Variants in SYNRG observed in about 807,000 individuals in gnomAD.
SYNRG encodes the protein synergin gamma, also known as AP1 gamma subunit binding protein 1.
SYNRG carries 37 observed loss-of-function variants against 130.9 expected under a neutral mutation model. That is an observed-to-expected ratio of 0.28 (90% CI 0.22 to 0.37). The LOEUF (loss-of-function observed/expected upper bound fraction) is 0.37. SYNRG is among the 10% of genes least tolerant of loss of function. The pLI, the probability that SYNRG is intolerant of heterozygous loss-of-function variation, is 1.00. For synonymous variants in SYNRG, 539 were observed against 568.1 expected, an observed-to-expected ratio of 0.95 and a Z score of 0.73; for missense variants, 1,338 against 1,588.9, an observed-to-expected ratio of 0.84 and a Z score of 2.68.
At chr17:37,587,829 T>C (rs2061818869) in intron 3 of SYNRG, among the ~76,000 whole-genome samples, 1 of 152,200 alleles carries the variant, frequency 6.6e-6, no homozygotes, top group Non-Finnish European at 1.5e-5. Context: ...ATACCCATGA[T>C]CTATCTGCAC....
At chr17:37,595,022 A>G (rs2062631322) in intron 3 of SYNRG, among the ~76,000 whole-genome samples, 2 of 152,376 alleles carry the variant, frequency 1.3e-5, no homozygotes, top group Non-Finnish European at 2.9e-5. Flanking sequence ...CCATAAGGAT[A>G]TGTATCACGA....
chr17:37,555,406 C>T (rs759718522), intron 13 of SYNRG, among the ~76,000 whole-genome samples: 4 of 152,136 alleles, frequency 2.6e-5, no homozygotes, highest in Middle Eastern at 3.2e-3. Flanking sequence ...GGATTACAGG[C>T]GTGAGCTACA....
At chr17:37,585,913 A>G (rs1447669454) in intron 4 of SYNRG, among the ~76,000 whole-genome samples, 1 of 152,180 alleles carries the variant, frequency 6.6e-6, no homozygotes, top group Non-Finnish European at 1.5e-5. Context: ...CTTTCACTAG[A>G]TATAAAACAA....
In SYNRG at chr17:37,527,876, A is replaced by G. The variant is rs532759248; in HGVS notation, c.3667-7228T>C. Reference sequence around the variant, plus strand: ...GCTTAAATAAACATCAAGGAGCCACAATTTGGAGTTTAAGACGGTGTACCC... The same window carrying G: ...GCTTAAATAAACATCAAGGAGCCACGATTTGGAGTTTAAGACGGTGTACCC... On this transcript the variant is annotated intron_variant, in intron 19 of 21. Coordinates refer to ENST00000612223, the MANE Select transcript of SYNRG (RefSeq NM_007247.6). Among the ~76,000 whole-genome samples the G allele has an allele frequency of 2.0e-5, 3 of 152,294 alleles. No individual in the cohort carries two copies. The South Asian group carries it at 6.2e-4, about 32-fold the overall frequency.
chr17:37,569,005 A>G lies in SYNRG; in HGVS notation c.1348-81T>C, dbSNP rs1336317382. 2.0e-6 allele frequency: 3 copies of G among 1,481,820 alleles called. No homozygotes were observed. In the Admixed American group the frequency reaches 6.3e-5, roughly 31 times the overall value. 91.8% of individuals were successfully genotyped at this position (1,481,820 alleles called of 1,614,324 possible). ...AACAAATCAAAAGTCAATCTCAAAG[A>G]CTGCCTTTAAAATTTCTCAGTTTAG... On this transcript the variant is annotated intron_variant, in intron 10 of 21. Coordinates refer to ENST00000612223, the MANE Select transcript of SYNRG (RefSeq NM_007247.6).
intron 3 of SYNRG, among the ~76,000 whole-genome samples, chr17:37,588,258 CTTTTTTTTTTTT>C (rs35767898): frequency 9.7e-6 from 1 of 103,206 alleles, no homozygotes; most frequent in African/African-American, 3.9e-5. Flanking sequence ...ACTTTAAATT[CTTTTTTTTTTTT>C]TTTTTTTTTT....
chr17:37,585,551 C>T lies in SYNRG; in HGVS notation c.372-121G>A, dbSNP rs61389064. On this transcript the variant is annotated intron_variant, in intron 4 of 21. Transcript: ENST00000612223. ...ACTTCCAGAAGTGTAAATTTCATTG[C>T]TAAATATCTAGTTTTCTTACGACAA... 10,697 of 647,356 alleles carry T rather than the reference C, an allele frequency of 0.017. 908 individuals carry two copies. In the African/African-American group the frequency reaches 0.18, roughly 11 times the overall value. The allele number at this position is 647,356 out of a possible 1,614,324, so 40.1% of individuals were successfully genotyped here.
chr17:37,575,964 A>T (rs1364803366), intron 8 of SYNRG, among the ~76,000 whole-genome samples: 7 of 151,854 alleles, frequency 4.6e-5, no homozygotes, highest in Non-Finnish European at 1.0e-4. Context: ...GAATATTTTT[A>T]AAAATATAAA....
Position 37,518,555 on chromosome 17 carries a change from A to G in SYNRG, c.*385T>C, listed in dbSNP as rs1306967727. 5.2e-6 allele frequency: 1 copy of G among 193,766 alleles called. No individual in the cohort carries two copies. Among genetic ancestry groups the G allele is most frequent in the Non-Finnish European group, 1.1e-5 (1 of 94,482 alleles). The allele number at this position is 193,766 out of a possible 1,614,324, so 12.0% of individuals were successfully genotyped here. On this transcript the variant is annotated 3_prime_UTR_variant, in exon 22 of 22. Coordinates refer to ENST00000612223, the MANE Select transcript of SYNRG (RefSeq NM_007247.6). ...CTTCACAGGACAGTAAGTGTCCTAG[A>G]TAAAAACAAGCACTGGCTCCAAGCA...
In SYNRG at chr17:37,574,172, G is replaced by C. The variant is rs541810524; in HGVS notation, c.901+2169C>G. Among the ~76,000 whole-genome samples the C allele has an allele frequency of 3.2e-3, 494 of 152,082 alleles. 6 individuals carry two copies. The highest frequency in any genetic ancestry group is 4.4e-3 in the Non-Finnish European group (299 of 67,950). On this transcript the variant is annotated intron_variant, in intron 8 of 21. Transcript: ENST00000612223. ...AACATACATTGGGGAGGGTCTCTTC[G>C]ATAAACGGTGCTGGAAAAACTGGAT...
At chr17:37,539,305 ACT>A (rs1275017033) in intron 16 of SYNRG, 60 bp from the exon 17 acceptor site, 7 of 1,553,488 alleles carry the variant, frequency 4.5e-6, no homozygotes, top group Admixed American at 1.7e-5. Flanking sequence ...TCTATTGATG[ACT>A]CTGTCAATTC....
chr17:37,606,681 T>C (rs2063779583), intron 1 of SYNRG, among the ~76,000 whole-genome samples: 1 of 152,200 alleles, frequency 6.6e-6, no homozygotes, highest in African/African-American at 2.4e-5. Context: ...TTCTCATCTC[T>C]TGGGCAAATT....
chr17:37,598,806 G>A (rs540568556), intron 2 of SYNRG, among the ~76,000 whole-genome samples: 1 of 152,116 alleles, frequency 6.6e-6, no homozygotes, highest in Non-Finnish European at 1.5e-5. Context: ...TGCTCCATAT[G>A]CATATTTTTA....
At chr17:37,536,281 A>C in intron 18 of SYNRG, 154 bp from the exon 19 acceptor site, 42 of 911,114 alleles carry the variant, frequency 4.6e-5, no homozygotes, top group Non-Finnish European at 6.4e-5. Flanking sequence ...TCCACTTCTC[A>C]ATGCTGCTGT....
At chr17:37,584,974 C>T (rs960092940) in intron 5 of SYNRG, among the ~76,000 whole-genome samples, 2 of 152,224 alleles carry the variant, frequency 1.3e-5, no homozygotes, top group Non-Finnish European at 2.9e-5. Context: ...TGTATAAATA[C>T]TTTAGGATAG....
At chr17:37,585,040 T>C (rs1226143776) in intron 5 of SYNRG, among the ~76,000 whole-genome samples, 1 of 152,246 alleles carries the variant, frequency 6.6e-6, no homozygotes, top group African/African-American at 2.4e-5. Flanking sequence ...GAAATATCAC[T>C]GAATTCAGGA....
At chr17:37,552,648 T>C (rs1250297142) in intron 14 of SYNRG, among the ~76,000 whole-genome samples, 1 of 152,244 alleles carries the variant, frequency 6.6e-6, no homozygotes, top group Non-Finnish European at 1.5e-5. Flanking sequence ...TAGAAATTTT[T>C]ACTTTCTTGA....
rs573044655 is a variant in SYNRG at position 37,590,082 on chromosome 17, A to G, written c.241-3533T>C. ...GCTTCTCTGGAGGCTAAGGCAGGTG[A>G]ATTACTTGAGCCCGGGAGGCGGCAG... On this transcript the variant is annotated intron_variant, in intron 3 of 21. Transcript: ENST00000612223. Among the ~76,000 whole-genome samples, 3 of 151,918 alleles carry G rather than the reference A, an allele frequency of 2.0e-5. No individual in the cohort carries two copies. The South Asian group carries it at 6.3e-4, about 32-fold the overall frequency.
At chr17:37,535,078 CT>C (rs2057062144) in intron 19 of SYNRG, among the ~76,000 whole-genome samples, 1 of 151,946 alleles carries the variant, frequency 6.6e-6, no homozygotes, top group Non-Finnish European at 1.5e-5. Flanking sequence ...AGGAAAATAG[CT>C]GATAAACGTT....
Sources: gnomAD v4.1 joint callset for allele counts (sites outside exome capture counted in the v4.1 genomes callset) on GRCh38, gnomAD v4.1.1 for gene constraint, MANE v1.5 for transcripts, NCBI Gene and HGNC (gene_info 2026-07-23, HGNC 2026-07-21) for gene names.